Variants in UBXN7 observed in about 807,000 individuals in gnomAD.
UBXN7 encodes UBX domain protein 7.
A neutral mutation model predicts 58.0 loss-of-function variants in UBXN7; 9 were observed. The observed-to-expected ratio is 0.16, with a 90% confidence interval of 0.09 to 0.27. The LOEUF is 0.27. UBXN7 is among the 10% of genes least tolerant of loss of function. The pLI, the probability that UBXN7 is intolerant of heterozygous loss-of-function variation, is 1.00. For synonymous variants in UBXN7, 208 were observed against 205.0 expected (o/e 1.01, Z -0.12); for missense variants, 328 against 599.6 (o/e 0.55, Z 4.73).
At chr3:196,372,652 T>A (rs1728877194) in intron 5 of UBXN7, among the ~76,000 whole-genome samples, 1 of 151,854 alleles carries the variant, frequency 6.6e-6, no homozygotes, top group Non-Finnish European at 1.5e-5. Flanking sequence ...ATGGCTGAAT[T>A]TTTAATGTAT....
intron 6 of UBXN7, among the ~76,000 whole-genome samples, chr3:196,370,023 G>C (rs189947397): frequency 6.6e-6 from 1 of 151,668 alleles, no homozygotes; most frequent in Non-Finnish European, 1.5e-5. Context: ...CCAGCTACTC[G>C]GGAGACTGAA....
At chr3:196,415,943 C>T (rs948436582) in intron 1 of UBXN7, among the ~76,000 whole-genome samples, 1 of 152,208 alleles carries the variant, frequency 6.6e-6, no homozygotes, top group African/African-American at 2.4e-5. Flanking sequence ...AAACTAGCTT[C>T]TCAATGTATG....
chr3:196,388,785 T>C (rs1729491272), intron 5 of UBXN7, among the ~76,000 whole-genome samples: 1 of 152,200 alleles, frequency 6.6e-6, no homozygotes. Flanking sequence ...TAAACTTCAA[T>C]GACTTAATTT....
rs1174911693 is a variant in UBXN7 at position 196,362,381 on chromosome 3, G to A, written c.1141C>T (p.His381Tyr). 2.5e-6 allele frequency: 4 copies of A among 1,614,072 alleles called. No individual in the cohort carries two copies. Among genetic ancestry groups the A allele is most frequent in the Admixed American group, 1.7e-5 (1 of 60,000 alleles). The change falls in exon 9 of 11, where the codon CAC becomes TAC. Residue 381 changes from histidine to tyrosine, a missense_variant. His to Tyr is a moderately conservative substitution (Grantham distance 83). This residue lies in a region of UBXN7 where 66 missense variants were observed against 77.9 expected (regional missense o/e 0.85). Transcript: ENST00000296328. ...VRTDPGTATNHQGLPAVDSEI... is the reference protein window; with the variant it reads ...VRTDPGTATNYQGLPAVDSEI... ...GAATCCACAGCTGGCAATCCTTGGTGGTTTGTGGCTGTTCCAGGATCAGTT... is the reference window on the plus strand; with the variant it reads ...GAATCCACAGCTGGCAATCCTTGGTAGTTTGTGGCTGTTCCAGGATCAGTT...
intron 4 of UBXN7, among the ~76,000 whole-genome samples, chr3:196,392,662 G>A (rs2108846211): frequency 6.6e-6 from 1 of 152,174 alleles, no homozygotes; most frequent in African/African-American, 2.4e-5. Flanking sequence ...ACTTAGCCGG[G>A]TGTGGTGGCA....
chr3:196,380,081 C>T (rs923115871), intron 5 of UBXN7, among the ~76,000 whole-genome samples: 11 of 152,100 alleles, frequency 7.2e-5, no homozygotes, highest in Admixed American at 5.9e-4. Context: ...AACCACATCT[C>T]TATTAAAAAA....
intron 5 of UBXN7, among the ~76,000 whole-genome samples, chr3:196,372,333 T>A (rs1008223746): frequency 6.8e-6 from 1 of 146,086 alleles, no homozygotes; most frequent in South Asian, 2.2e-4. Context: ...TCTCCTTTCT[T>A]TCTTTCTTTC....
At chr3:196,387,935 AT>A (rs1729461322) in intron 5 of UBXN7, among the ~76,000 whole-genome samples, 2 of 152,276 alleles carry the variant, frequency 1.3e-5, no homozygotes, top group Admixed American at 6.5e-5. Flanking sequence ...CAGCAATCCT[AT>A]TACTGGGTAT....
At chr3:196,395,273 G>A (rs1729733933) in intron 3 of UBXN7, among the ~76,000 whole-genome samples, 1 of 152,012 alleles carries the variant, frequency 6.6e-6, no homozygotes, top group African/African-American at 2.4e-5. Context: ...CAGAACTACC[G>A]AGTAAAAGGC....
At chr3:196,389,759 G>A (rs749848356) in intron 5 of UBXN7, among the ~76,000 whole-genome samples, 16 of 152,100 alleles carry the variant, frequency 1.1e-4, no homozygotes, top group Non-Finnish European at 1.8e-4. Context: ...AAATTGCCCA[G>A]TCTCAGGGAT....
intron 3 of UBXN7, among the ~76,000 whole-genome samples, chr3:196,396,424 T>A (rs1729774551): frequency 6.6e-6 from 1 of 151,624 alleles, no homozygotes; most frequent in Admixed American, 6.6e-5. Flanking sequence ...ATTAACTTTT[T>A]AAAAATAACT....
At chr3:196,385,235 C>A (rs916439407) in intron 5 of UBXN7, among the ~76,000 whole-genome samples, 1 of 152,042 alleles carries the variant, frequency 6.6e-6, no homozygotes, top group Admixed American at 6.5e-5. Context: ...AGCTCCTGAC[C>A]GTGAGTGATC....
chr3:196,375,603 T>G (rs777925009), intron 5 of UBXN7, among the ~76,000 whole-genome samples: 1 of 152,146 alleles, frequency 6.6e-6, no homozygotes, highest in Non-Finnish European at 1.5e-5. Flanking sequence ...TTGAAGAAGA[T>G]TACTGGAATC....
intron 6 of UBXN7, among the ~76,000 whole-genome samples, chr3:196,370,565 G>C (rs758910780): frequency 6.6e-6 from 1 of 151,714 alleles, no homozygotes; most frequent in Non-Finnish European, 1.5e-5. Flanking sequence ...AATATTTGTT[G>C]AATAAAATAC....
intron 5 of UBXN7, among the ~76,000 whole-genome samples, chr3:196,377,428 T>C (rs769602127): frequency 2.0e-5 from 3 of 152,208 alleles, no homozygotes; most frequent in Non-Finnish European, 4.4e-5. Context: ...TTCAGAAATC[T>C]TCCCTAATCT....
chr3:196,393,641 T>C (rs1340826264), intron 3 of UBXN7, 22 bp from the exon 4 acceptor site: 4 of 1,589,524 alleles, frequency 2.5e-6, no homozygotes, highest in Non-Finnish European at 1.7e-6. Context: ...AAAAATAGAA[T>C]TGAAAATTTT....
intron 1 of UBXN7, among the ~76,000 whole-genome samples, chr3:196,425,193 C>T (rs977454153): frequency 2.0e-5 from 3 of 152,148 alleles, no homozygotes; most frequent in African/African-American, 7.2e-5. Context: ...AGCACTGTTA[C>T]ATACCTAGGT....
At chr3:196,411,946 C>T (rs987062750) in intron 1 of UBXN7, among the ~76,000 whole-genome samples, 2 of 152,026 alleles carry the variant, frequency 1.3e-5, no homozygotes, top group Non-Finnish European at 2.9e-5. Context: ...AAAAGGCGGC[C>T]GGCCAGGTGC....
In UBXN7 at chr3:196,403,008, C is replaced by A; in HGVS notation, c.233G>T (p.Arg78Leu). 6.3e-7 allele frequency: 1 copy of A among 1,590,114 alleles called. No individual in the cohort carries two copies. The highest frequency in any genetic ancestry group is 8.5e-7 in the Non-Finnish European group (1 of 1,174,658). The change falls in exon 3 of 11, where the codon CGT becomes CTT. Residue 78 changes from arginine to leucine, a missense_variant. This residue lies in a region of UBXN7 where 106 missense variants were observed against 124.3 expected (regional missense o/e 0.85). Transcript: ENST00000296328. ...TVRPHTEEEV[R>L]APIPQKQEIL... is the part of the protein sequence containing the mutation. ...TTCCTGCTTTTGAGGAATTGGGGCA[C>A]GAACTTCTTCTCTATTAAAAAAAAA...
Sources: allele counts gnomAD v4.1 joint callset (sites outside exome capture counted in the v4.1 genomes callset), GRCh38; gene constraint gnomAD v4.1.1; regional missense constraint gnomAD v4.1.1; transcripts MANE v1.5; gene names NCBI Gene and HGNC (gene_info 2026-07-23, HGNC 2026-07-21).